The following GRXCR2 variants were observed in gnomAD, a reference collection of about 807,000 sequenced individuals.
The protein encoded by GRXCR2 is glutaredoxin and cysteine rich domain containing 2.
Under a neutral mutation model 24.8 loss-of-function variants are expected in GRXCR2, and 23 were observed. That is an observed-to-expected ratio of 0.93 (90% confidence interval 0.67 to 1.32). The LOEUF is 1.32. Among genes scored for constraint, GRXCR2 ranks in the 40% most tolerant of loss-of-function variants. The pLI, the probability that GRXCR2 is intolerant of heterozygous loss-of-function variation, is 0.00. For synonymous variants in GRXCR2, 130 were observed against 116.1 expected, an observed-to-expected ratio of 1.12 and a Z score of -0.77; for missense variants, 315 against 303.4, an observed-to-expected ratio of 1.04 and a Z score of -0.28.
At chr5:145,890,748 T>C (rs751376205) in intron 2 of GRXCR2, among the ~76,000 whole-genome samples, 7 of 152,008 alleles carry the variant, frequency 4.6e-5, no homozygotes, top group Non-Finnish European at 8.8e-5. Context: ...AACTTCATGA[T>C]ATGCTCAAAA....
At chr5:145,886,990 C>A (rs77495887) in intron 2 of GRXCR2, among the ~76,000 whole-genome samples, 2 of 152,292 alleles carry the variant, frequency 1.3e-5, no homozygotes, top group East Asian at 3.9e-4. Context: ...TTTATATTGA[C>A]ACAGTAGAAT....
chr5:145,898,215 G>T (rs1756975996), intron 2 of GRXCR2, among the ~76,000 whole-genome samples: 2 of 151,508 alleles, frequency 1.3e-5, no homozygotes, highest in Non-Finnish European at 2.9e-5. Context: ...AGAAAATGTA[G>T]AGCAAAGGGA....
chr5:145,912,106 G>T (rs1757174553), intron 2 of GRXCR2, among the ~76,000 whole-genome samples: 1 of 152,182 alleles, frequency 6.6e-6, no homozygotes, highest in African/African-American at 2.4e-5. Context: ...CAAAAATAGG[G>T]TGTCACCTGA....
At chr5:145,925,983 G>T (rs1757388930) in intron 2 of GRXCR2, among the ~76,000 whole-genome samples, 1 of 151,962 alleles carries the variant, frequency 6.6e-6, no homozygotes, top group South Asian at 2.1e-4. Context: ...AAACAAGATT[G>T]TGGTTACCCA....
intron 2 of GRXCR2, among the ~76,000 whole-genome samples, chr5:145,929,815 C>T (rs1301356889): frequency 1.3e-5 from 2 of 152,106 alleles, no homozygotes; most frequent in Non-Finnish European, 2.9e-5. Flanking sequence ...ACTTAAGAAT[C>T]TCTCACCAGA....
chr5:145,877,756 G>A (rs1004782275), upstream of GRXCR2, among the ~76,000 whole-genome samples: 4 of 152,220 alleles, frequency 2.6e-5, no homozygotes, highest in Admixed American at 1.3e-4. Flanking sequence ...AGCAGGGCGG[G>A]GCATTCCCAG....
At chr5:145,887,121 G>T (rs763201962) in intron 2 of GRXCR2, among the ~76,000 whole-genome samples, 2 of 152,038 alleles carry the variant, frequency 1.3e-5, no homozygotes, top group Non-Finnish European at 2.9e-5. Flanking sequence ...TTTGAGACAG[G>T]ATCTCACTCT....
intron 2 of GRXCR2, among the ~76,000 whole-genome samples, chr5:145,889,714 G>A (rs566547392): frequency 6.6e-6 from 1 of 152,132 alleles, no homozygotes; most frequent in African/African-American, 2.4e-5. Flanking sequence ...TCTAGCAATG[G>A]TCCCTACACA....
chr5:145,872,178 G>A (rs1246713894), intron 1 of GRXCR2, among the ~76,000 whole-genome samples: 2 of 152,218 alleles, frequency 1.3e-5, no homozygotes, highest in Non-Finnish European at 2.9e-5. Context: ...CAGGCAGTAT[G>A]AGGAAGGCAA....
In GRXCR2 at chr5:145,918,987, A is replaced by G. The variant is rs554290796; in HGVS notation, c.-70+16714T>C. On this transcript the variant is annotated intron_variant, in intron 2 of 3. Transcript: ENST00000639411. ...TTGTATTTTGTCCACTTGGACTCTG[A>G]GCTACTAAGTTTCCCGCATCACCTG... Among the ~76,000 whole-genome samples the G allele has an allele frequency of 2.0e-5, 3 of 152,174 alleles. No homozygotes were observed. The East Asian group carries it at 5.8e-4, about 29-fold the overall frequency.
chr5:145,907,528 CAAA>C (rs113587429), intron 2 of GRXCR2, among the ~76,000 whole-genome samples: 1 of 139,812 alleles, frequency 7.2e-6, no homozygotes. Context: ...GACTCCCTCT[CAAA>C]AAAAAAAAAG....
chr5:145,878,663 C>T (rs901735818), intron 2 of GRXCR2, among the ~76,000 whole-genome samples: 6 of 152,154 alleles, frequency 3.9e-5, no homozygotes, highest in African/African-American at 1.4e-4. Context: ...CCTAGCAAGG[C>T]AGGCCAACAT....
At chr5:145,880,842 G>A (rs59571943) in intron 2 of GRXCR2, among the ~76,000 whole-genome samples, 2,083 of 152,172 alleles carry the variant, frequency 0.014, 59 homozygotes, top group African/African-American at 0.047. Context: ...TGATCAAGTC[G>A]GCTTCATCCC....
chr5:145,909,093 G>T lies in GRXCR2; in HGVS notation c.-70+26608C>A, dbSNP rs915272716. 3.3e-5 allele frequency among the ~76,000 whole-genome samples: 5 copies of T among 151,956 alleles called. No homozygotes were observed. In the East Asian group the frequency reaches 9.7e-4, roughly 29 times the overall value. ...TGATAACACTTCTTGTCTTATTAAG[G>T]ACATTATCAAAAAAATAAATGAGCT... On this transcript the variant is annotated intron_variant, in intron 2 of 3. Coordinates refer to the GRXCR2 transcript ENST00000639411.
intron 2 of GRXCR2, among the ~76,000 whole-genome samples, chr5:145,918,042 T>G (rs1757265355): frequency 6.6e-6 from 1 of 152,138 alleles, no homozygotes; most frequent in Non-Finnish European, 1.5e-5. Flanking sequence ...CCTCCCAAAG[T>G]GGTGGGATTA....
chr5:145,909,004 T>G (rs1757126781), intron 2 of GRXCR2, among the ~76,000 whole-genome samples: 1 of 152,194 alleles, frequency 6.6e-6, no homozygotes, highest in Non-Finnish European at 1.5e-5. Flanking sequence ...ACTCATTTGC[T>G]GGGTGAGCTT....
intron 2 of GRXCR2, among the ~76,000 whole-genome samples, chr5:145,892,144 A>G (rs1354671085): frequency 6.6e-6 from 1 of 152,192 alleles, no homozygotes; most frequent in Non-Finnish European, 1.5e-5. Context: ...CGTCACCATC[A>G]TCAAAGACCA....
intron 2 of GRXCR2, among the ~76,000 whole-genome samples, chr5:145,923,043 T>C (rs1208890754): frequency 1.3e-5 from 2 of 152,236 alleles, no homozygotes; most frequent in Admixed American, 1.3e-4. Context: ...CGGAAACTAG[T>C]TGAAAATGCA....
intron 2 of GRXCR2, among the ~76,000 whole-genome samples, chr5:145,925,293 A>G (rs1260450272): frequency 6.6e-6 from 1 of 152,206 alleles, no homozygotes; most frequent in Non-Finnish European, 1.5e-5. Context: ...TATAGCTAAA[A>G]CAGAAAGAAT....
Sources: allele counts gnomAD v4.1 joint callset (sites outside exome capture counted in the v4.1 genomes callset), GRCh38; gene constraint gnomAD v4.1.1; transcripts MANE v1.5; gene names NCBI Gene and HGNC (gene_info 2026-07-23, HGNC 2026-07-21).